CCDC171: variants seen among roughly 807,000 people sequenced by gnomAD.
CCDC171 encodes coiled-coil domain containing 171.
CCDC171 carries 177 observed loss-of-function variants against 168.2 expected under a neutral mutation model. That is an observed-to-expected ratio of 1.05 (90% CI 0.93 to 1.19). CCDC171 has a LOEUF of 1.19. Ranked by LOEUF, CCDC171 falls within the 50% of genes most tolerant of loss-of-function variation. The pLI is 0.00. For missense variants in CCDC171, 1,991 were observed against 1,539.0 expected, an observed-to-expected ratio of 1.29 and a Z score of -4.91; for synonymous variants, 687 against 540.8, an observed-to-expected ratio of 1.27 and a Z score of -3.75.
rs181160467 is a variant in CCDC171 at position 15,670,162 on chromosome 9, A to G, written c.1076+3839A>G. Among the ~76,000 whole-genome samples the G allele has an allele frequency of 1.4e-3, 207 of 152,140 alleles. 1 individual carries two copies. Among genetic ancestry groups the G allele is most frequent in the African/African-American group, 4.2e-3 (176 of 41,502 alleles). Reference sequence around the variant, plus strand: ...CCTTCTTGGTTGGGAGTTTAGCAGCATGGTAGGAGCCAGCTTTTTTGTCCG... The same window carrying G: ...CCTTCTTGGTTGGGAGTTTAGCAGCGTGGTAGGAGCCAGCTTTTTTGTCCG... On this transcript the variant is annotated intron_variant, in intron 9 of 25. Coordinates refer to ENST00000380701, the MANE Select transcript of CCDC171 (RefSeq NM_173550.4).
intron 3 of CCDC171, among the ~76,000 whole-genome samples, chr9:15,991,595 G>T (rs1475789029): frequency 6.6e-6 from 1 of 152,130 alleles, no homozygotes; most frequent in Non-Finnish European, 1.5e-5. Context: ...AGAACTGAAG[G>T]AGATACAGAC....
chr9:16,019,925 G>C (rs573104441), intron 3 of CCDC171, among the ~76,000 whole-genome samples: 3 of 152,114 alleles, frequency 2.0e-5, no homozygotes, highest in Non-Finnish European at 4.4e-5. Flanking sequence ...TTTAAAATGC[G>C]AATCAATATT....
rs1202689344 is a variant in CCDC171, at chr9:15,623,364, A to G, written c.773A>G (p.Glu258Gly). ...GACCTTTTACGGCGACAAACAAGTG[A>G]ACTTGAATTTAGCACTCAACGAGAG... Reference protein sequence around the residue: ...CSDLLRRQTSELEFSTQREER... With the variant: ...CSDLLRRQTSGLEFSTQREER... Residue 258 changes from glutamate to glycine, a missense_variant, in exon 7 of 26, where the codon GAA becomes GGA. Coordinates refer to ENST00000380701, the MANE Select transcript of CCDC171 (RefSeq NM_173550.4). 1.2e-6 allele frequency: 2 copies of G among 1,612,440 alleles called. No homozygotes were observed. Among genetic ancestry groups the G allele is most frequent in the Non-Finnish European group, 1.7e-6 (2 of 1,179,108 alleles).
chr9:15,974,970 C>T (rs954738293), downstream of CCDC171, among the ~76,000 whole-genome samples: 13 of 152,048 alleles, frequency 8.5e-5, no homozygotes, highest in Non-Finnish European at 1.5e-4. Context: ...GCTCTCACAA[C>T]GTTGCCCAGG....
intron 9 of CCDC171, among the ~76,000 whole-genome samples, chr9:15,667,708 T>A (rs1335074445): frequency 2.0e-5 from 3 of 152,174 alleles, no homozygotes; most frequent in African/African-American, 7.2e-5. Flanking sequence ...AAGTGTGATT[T>A]AAATAGCGGT....
At chr9:15,559,384 C>T (rs1387926380) in intron 1 of CCDC171, among the ~76,000 whole-genome samples, 1 of 152,094 alleles carries the variant, frequency 6.6e-6, no homozygotes, top group Non-Finnish European at 1.5e-5. Flanking sequence ...CTTTGTAGGT[C>T]TCTAAGACTT....
At chr9:15,920,026 A>G (rs532331998) in intron 24 of CCDC171, among the ~76,000 whole-genome samples, 2 of 151,874 alleles carry the variant, frequency 1.3e-5, no homozygotes, top group East Asian at 1.9e-4. Context: ...TTTAAGCACA[A>G]TAGATCAAAG....
intron 9 of CCDC171, among the ~76,000 whole-genome samples, chr9:15,674,639 G>T (rs1464534487): frequency 1.3e-5 from 2 of 152,114 alleles, no homozygotes; most frequent in Admixed American, 6.5e-5. Context: ...TTTAGGAGCA[G>T]GTTGTTCAGT....
At chr9:15,596,023 C>A (rs970069565) in intron 6 of CCDC171, among the ~76,000 whole-genome samples, 6 of 152,042 alleles carry the variant, frequency 3.9e-5, no homozygotes, top group African/African-American at 1.4e-4. Flanking sequence ...TGTTTGAGTT[C>A]TTTGTAGATT....
intron 25 of CCDC171, among the ~76,000 whole-genome samples, chr9:15,938,996 T>C (rs1336364848): frequency 1.3e-5 from 2 of 151,706 alleles, no homozygotes; most frequent in African/African-American, 4.8e-5. Flanking sequence ...ACTTAATTTT[T>C]CACGATCTTT....
intron 21 of CCDC171, among the ~76,000 whole-genome samples, chr9:15,835,624 A>C (rs1388655598): frequency 6.6e-6 from 1 of 152,060 alleles, no homozygotes; most frequent in African/African-American, 2.4e-5. Context: ...ACAGGGTTTC[A>C]CCATGTTGGT....
At chr9:15,703,753 C>A (rs543823816) in intron 11 of CCDC171, among the ~76,000 whole-genome samples, 1 of 152,148 alleles carries the variant, frequency 6.6e-6, no homozygotes, top group African/African-American at 2.4e-5. Context: ...GATTTCATTT[C>A]TTTTGGATAC....
At chr9:15,952,117 C>A in intron 25 of CCDC171, among the ~76,000 whole-genome samples, 1 of 152,138 alleles carries the variant, frequency 6.6e-6, no homozygotes, top group East Asian at 1.9e-4. Flanking sequence ...GTTCTCCTAG[C>A]ACTGTTTGTT....
intron 1 of CCDC171, among the ~76,000 whole-genome samples, chr9:15,555,736 AG>A (rs1462914891): frequency 1.3e-5 from 2 of 152,148 alleles, no homozygotes; most frequent in African/African-American, 4.8e-5. Context: ...CACAATGTGC[AG>A]GTTTGTTACA....
intron 18 of CCDC171, among the ~76,000 whole-genome samples, chr9:15,768,866 T>C (rs1330525903): frequency 6.6e-6 from 1 of 152,222 alleles, no homozygotes; most frequent in Non-Finnish European, 1.5e-5. Flanking sequence ...CCTATCTTCA[T>C]CCGCAGTATC....
In CCDC171 at chr9:15,678,310, A is replaced by T. The variant is rs570888197; in HGVS notation, c.1077-448A>T. Among the ~76,000 whole-genome samples, 5 of 152,148 alleles carry T rather than the reference A, an allele frequency of 3.3e-5. No homozygotes were observed. The East Asian group carries it at 9.7e-4, about 29-fold the overall frequency. ...TATTTTTGATTATTTTTCCTTTTGG[A>T]TTTTCCATGCCACCACACTGGTTCT... On this transcript the variant is annotated intron_variant, in intron 9 of 25. Transcript: ENST00000380701.
downstream of CCDC171, among the ~76,000 whole-genome samples, chr9:15,977,330 C>T (rs576670509): frequency 2.6e-5 from 4 of 152,186 alleles, no homozygotes; most frequent in South Asian, 4.2e-4. Flanking sequence ...ATGGACGTTG[C>T]GATGGGAAAA....
intron 1 of CCDC171, among the ~76,000 whole-genome samples, chr9:16,047,498 G>A (rs1298875839): frequency 2.0e-5 from 3 of 152,134 alleles, no homozygotes; most frequent in East Asian, 3.9e-4. Context: ...CAGCCTCCAG[G>A]TGGTCCCCCT....
At chr9:16,088,900 C>T in the CCDC171 span, among the ~76,000 whole-genome samples, 5 of 151,942 alleles carry the variant, frequency 3.3e-5, no homozygotes, top group Non-Finnish European at 7.4e-5. Flanking sequence ...CCCGTATAGC[C>T]AAGACAATCC....
Sources: allele counts gnomAD v4.1 joint callset (sites outside exome capture counted in the v4.1 genomes callset), GRCh38; gene constraint gnomAD v4.1.1; transcripts MANE v1.5; gene names NCBI Gene and HGNC (gene_info 2026-07-23, HGNC 2026-07-21).